NETO2: variants seen among roughly 807,000 people sequenced by gnomAD.
The protein encoded by NETO2 is neuropilin and tolloid-like protein 2.
Under a neutral mutation model 62.5 loss-of-function variants are expected in NETO2, and 28 were observed. The observed-to-expected ratio is 0.45, with a 90% confidence interval of 0.33 to 0.61. The LOEUF (loss-of-function observed/expected upper bound fraction) is 0.61. Ranked by LOEUF, NETO2 falls within the 20% of genes least tolerant of loss-of-function variation. The probability of loss-of-function intolerance (pLI) is 0.02; values close to 1 mark genes in which losing one functional copy is unlikely to be tolerated. For synonymous variants in NETO2, 214 were observed against 219.1 expected, an observed-to-expected ratio of 0.98 and a Z score of 0.21; for missense variants, 548 against 643.2, an observed-to-expected ratio of 0.85 and a Z score of 1.60.
intron 6 of NETO2, among the ~76,000 whole-genome samples, chr16:47,121,805 A>C (rs1039555266): frequency 6.6e-6 from 1 of 152,178 alleles, no homozygotes. Context: ...ATTTCAGTTT[A>C]TTAATCTACA....
chr16:47,085,250 TTAAA>T (rs1008239761), intron 8 of NETO2, among the ~76,000 whole-genome samples: 6 of 152,258 alleles, frequency 3.9e-5, no homozygotes, highest in Non-Finnish European at 4.4e-5. Flanking sequence ...TTGACTTTTA[TTAAA>T]TAGTGTTTCC....
chr16:47,115,714 C>CATATATATAT (rs918750034), intron 6 of NETO2, among the ~76,000 whole-genome samples: 4 of 128,504 alleles, frequency 3.1e-5, no homozygotes, highest in Admixed American at 1.5e-4. Context: ...TATATATATA[C>CATATATATAT]ATATATATAT....
At chr16:47,094,420 T>C (rs1055253499) in intron 7 of NETO2, among the ~76,000 whole-genome samples, 18 of 151,430 alleles carry the variant, frequency 1.2e-4, no homozygotes, top group East Asian at 7.7e-4. Context: ...TATTTACTTA[T>C]TTATTTATTT....
intron 1 of NETO2, among the ~76,000 whole-genome samples, chr16:47,141,859 A>G (rs1433850586): frequency 6.6e-6 from 1 of 152,256 alleles, no homozygotes; most frequent in Non-Finnish European, 1.5e-5. Flanking sequence ...CACGATGGCC[A>G]GAGAGGGCAG....
intron 4 of NETO2, among the ~76,000 whole-genome samples, chr16:47,126,947 T>C (rs1964169751): frequency 6.6e-6 from 1 of 152,192 alleles, no homozygotes; most frequent in Non-Finnish European, 1.5e-5. Flanking sequence ...ACATCTGTTT[T>C]TCAGGCAAAA....
chr16:47,096,222 G>A (rs1370179406), intron 7 of NETO2, among the ~76,000 whole-genome samples: 1 of 152,066 alleles, frequency 6.6e-6, no homozygotes, highest in Non-Finnish European at 1.5e-5. Flanking sequence ...AAACAACTTA[G>A]ATCAATAGTT....
chr16:47,094,022 G>C (rs576036695), intron 7 of NETO2, among the ~76,000 whole-genome samples: 21 of 152,030 alleles, frequency 1.4e-4, no homozygotes, highest in Admixed American at 3.9e-4. Context: ...ACTATATCTG[G>C]GCAGTTCAGA....
At chr16:47,087,605 T>C (rs763562389) in intron 7 of NETO2, among the ~76,000 whole-genome samples, 2 of 152,340 alleles carry the variant, frequency 1.3e-5, no homozygotes, top group Non-Finnish European at 1.5e-5. Flanking sequence ...AATTTTGTTA[T>C]GTATATTTTA....
At chr16:47,109,424 A>C (rs918927529) in intron 7 of NETO2, 59 bp downstream of exon 7, 13 of 1,207,396 alleles carry the variant, frequency 1.1e-5, no homozygotes, top group Non-Finnish European at 1.5e-5. Context: ...TGCTGAGTGT[A>C]CTGTGAATGA....
rs1243804625 is a variant in NETO2 at position 47,079,475 on chromosome 16, G to C, written c.*3746C>G. ...CCGGGCATGGTGTCGGGCGCCTGTA[G>C]TCCCAGCTACTTGGGAGACTGAGGC... On this transcript the variant is annotated 3_prime_UTR_variant, in exon 9 of 9. Coordinates refer to ENST00000562435, the MANE Select transcript of NETO2 (RefSeq NM_018092.5). 4 of 151,884 alleles carry C rather than the reference G, an allele frequency of 2.6e-5. No homozygotes were observed. Among genetic ancestry groups the C allele is most frequent in the Admixed American group, 2.6e-4 (4 of 15,208 alleles). 9.4% of individuals were successfully genotyped at this position (151,884 alleles called of 1,614,324 possible).
At chr16:47,091,423 A>C (rs1165426745) in intron 7 of NETO2, among the ~76,000 whole-genome samples, 1 of 152,260 alleles carries the variant, frequency 6.6e-6, no homozygotes. Flanking sequence ...CATCATGGAT[A>C]TAGACCAGTG....
At chr16:47,090,943 T>TTATA (rs779344138) in intron 7 of NETO2, among the ~76,000 whole-genome samples, 17 of 152,226 alleles carry the variant, frequency 1.1e-4, no homozygotes, top group Admixed American at 2.6e-4. Flanking sequence ...ATTAGCCCAT[T>TTATA]TATATAAACC....
chr16:47,102,304 C>T (rs973128823), intron 7 of NETO2, among the ~76,000 whole-genome samples: 1 of 152,060 alleles, frequency 6.6e-6, no homozygotes, highest in Non-Finnish European at 1.5e-5. Flanking sequence ...TAGACTAAAG[C>T]CTTAAACATA....
intron 7 of NETO2, among the ~76,000 whole-genome samples, chr16:47,089,252 A>AG (rs1840722653): frequency 6.6e-6 from 1 of 152,214 alleles, no homozygotes; most frequent in African/African-American, 2.4e-5. Context: ...AGTCCACAAT[A>AG]GCTACGAACT....
intron 2 of NETO2, among the ~76,000 whole-genome samples, chr16:47,130,822 G>A (rs1964250560): frequency 6.6e-6 from 1 of 152,238 alleles, no homozygotes; most frequent in East Asian, 1.9e-4. Context: ...TGAGGAATTT[G>A]AAGAGTTGCT....
rs994891685 is a variant in NETO2, at chr16:47,080,240, G to C, written c.*2981C>G. 2 of 152,184 alleles carry C rather than the reference G, an allele frequency of 1.3e-5. No individual in the cohort carries two copies. Among genetic ancestry groups the C allele is most frequent in the Non-Finnish European group, 2.9e-5 (2 of 68,028 alleles). The allele number at this position is 152,184 out of a possible 1,614,324, so 9.4% of individuals were successfully genotyped here. ...GCAATAGATCTGTGGGCATTTGGGG[G>C]ATGATGCGGTGAATTGCAGATGGAA... On this transcript the variant is annotated 3_prime_UTR_variant, in exon 9 of 9. Coordinates refer to ENST00000562435, the MANE Select transcript of NETO2 (RefSeq NM_018092.5).
At chr16:47,105,539 T>A (rs1963656224) in intron 7 of NETO2, among the ~76,000 whole-genome samples, 1 of 151,934 alleles carries the variant, frequency 6.6e-6, no homozygotes, top group Non-Finnish European at 1.5e-5. Flanking sequence ...GGACACTATA[T>A]CAAGGGAGTG....
Position 47,080,157 on chromosome 16 carries a change from A to G in NETO2, c.*3064T>C, listed in dbSNP as rs147674769. ...TAGATTGACACTCTCCCCACACACA[A>G]AAGGAATATCACATCTTATTCCTAC... On this transcript the variant is annotated 3_prime_UTR_variant, in exon 9 of 9. Coordinates refer to ENST00000562435, the MANE Select transcript of NETO2 (RefSeq NM_018092.5). 6.4e-4 allele frequency: 97 copies of G among 152,330 alleles called. No individual in the cohort carries two copies. Among genetic ancestry groups the G allele is most frequent in the African/African-American group, 2.2e-3 (90 of 41,582 alleles). 9.4% of individuals were successfully genotyped at this position (152,330 alleles called of 1,614,324 possible).
At chr16:47,112,350 C>T (rs1963818364) in intron 6 of NETO2, among the ~76,000 whole-genome samples, 1 of 152,138 alleles carries the variant, frequency 6.6e-6, no homozygotes, top group Non-Finnish European at 1.5e-5. Flanking sequence ...TCTATTTACA[C>T]TTTTTTGTTT....
Sources: gnomAD v4.1 joint callset for allele counts (sites outside exome capture counted in the v4.1 genomes callset) on GRCh38, gnomAD v4.1.1 for gene constraint, MANE v1.5 for transcripts, NCBI Gene and HGNC (gene_info 2026-07-23, HGNC 2026-07-21) for gene names.